The following DMRTA1 variants were observed in gnomAD, a reference collection of about 807,000 sequenced individuals.
The protein encoded by DMRTA1 is DMRT like family A1.
Under a neutral mutation model 35.2 loss-of-function variants are expected in DMRTA1, and 34 were observed. That is an observed-to-expected ratio of 0.97 (90% CI 0.74 to 1.29). The LOEUF is 1.29. DMRTA1 is among the 50% of genes most tolerant of loss of function. The pLI is 0.00. For missense variants in DMRTA1, 824 were observed against 644.6 expected (o/e 1.28, Z -3.01); for synonymous variants, 344 against 276.6 (o/e 1.24, Z -2.42).
Position 22,447,347 on chromosome 9 carries a change from G to A in DMRTA1, c.282G>A (p.Thr94=). The A allele has an allele frequency of 6.5e-7, 1 of 1,531,284 alleles. No individual in the cohort carries two copies. The allele number at this position is 1,531,284 out of a possible 1,614,324, so 94.9% of individuals were successfully genotyped here. ...VGAVGCGYPR[T]PKCARCRNHG... is the part of the protein sequence containing the mutation. ...CGGTGGGCTGCGGCTACCCGCGGACGCCCAAGTGCGCCCGCTGTCGTAACC... is the reference window on the plus strand; with the variant it reads ...CGGTGGGCTGCGGCTACCCGCGGACACCCAAGTGCGCCCGCTGTCGTAACC... The change falls in exon 1 of 2, where the codon ACG becomes ACA. Residue 94 remains threonine, a synonymous_variant. Transcript: ENST00000325870.
In DMRTA1 at chr9:22,447,346, C is replaced by T. The variant is rs763122411; in HGVS notation, c.281C>T (p.Thr94Met). 16 of 1,529,526 alleles carry T rather than the reference C, an allele frequency of 1.0e-5. No homozygotes were observed. The East Asian group carries it at 3.0e-4, about 28-fold the overall frequency. The allele number at this position is 1,529,526 out of a possible 1,614,324, so 94.7% of individuals were successfully genotyped here. The change falls in exon 1 of 2, where the codon ACG becomes ATG. Residue 94 changes from threonine to methionine, a missense_variant. Thr to Met is a moderately conservative substitution (Grantham distance 81). Coordinates refer to ENST00000325870, the MANE Select transcript of DMRTA1 (RefSeq NM_022160.3). ...GCGGTGGGCTGCGGCTACCCGCGGA[C>T]GCCCAAGTGCGCCCGCTGTCGTAAC... ...VGAVGCGYPRTPKCARCRNHG... is the reference protein window; with the variant it reads ...VGAVGCGYPRMPKCARCRNHG...
rs770682109 is a variant in DMRTA1, at chr9:22,451,120, A to C, written c.724A>C (p.Lys242Gln). 6.2e-7 allele frequency: 1 copy of C among 1,614,044 alleles called. No homozygotes were observed. ...CQNGQEELISKSHQLYLGSSS... is the reference protein window; with the variant it reads ...CQNGQEELISQSHQLYLGSSS... ...GAATGGACAAGAAGAACTGATCTCC[A>C]AATCCCATCAGCTTTACCTAGGATC... is the stretch of plus-strand genomic sequence containing the variant. The change falls in exon 2 of 2, where the codon AAA (lysine) becomes CAA (glutamine). Residue 242 changes from lysine (K) to glutamine (Q), a missense_variant. Coordinates refer to ENST00000325870, the MANE Select transcript of DMRTA1 (RefSeq NM_022160.3).
In DMRTA1 at chr9:22,451,483, G is replaced by T; in HGVS notation, c.1087G>T (p.Val363Phe). 1 of 1,614,152 alleles carries T rather than the reference G, an allele frequency of 6.2e-7. No homozygotes were observed. The highest frequency in any genetic ancestry group is 8.5e-7 in the Non-Finnish European group (1 of 1,179,998). ...KGDVVQAIEQ[V>F]LNGKEHKPDN... The stretch of plus-strand genomic sequence containing the variant: ...GGATGTGGTCCAAGCCATTGAACAG[G>T]TTTTAAATGGCAAAGAACACAAGCC... Residue 363 changes from valine (V) to phenylalanine (F), a missense_variant, in exon 2 of 2, where the codon GTT becomes TTT. Transcript: ENST00000325870.
chr9:22,447,290 G>T lies in DMRTA1; in HGVS notation c.225G>T (p.Pro75=). 1.3e-6 allele frequency: 2 copies of T among 1,505,248 alleles called. No individual in the cohort carries two copies. Among genetic ancestry groups the T allele is most frequent in the South Asian group, 1.3e-5 (1 of 78,920 alleles). The allele number at this position is 1,505,248 out of a possible 1,614,324, so 93.2% of individuals were successfully genotyped here. Residue 75 remains proline, a synonymous_variant, in exon 1 of 2, where the codon CCG becomes CCT. Coordinates refer to ENST00000325870, the MANE Select transcript of DMRTA1 (RefSeq NM_022160.3). The part of the protein sequence containing the change: ...AAATSGSGGC[P]PAPGLESGVG... ...CCACCTCGGGAAGCGGAGGCTGCCC[G>T]CCGGCTCCCGGGCTGGAGAGCGGGG...
Position 22,454,811 on chromosome 9 carries a change from A to G in DMRTA1, c.*2900A>G, listed in dbSNP as rs144030689. 1.3e-5 allele frequency: 2 copies of G among 152,316 alleles called. No individual in the cohort carries two copies. Among genetic ancestry groups the G allele is most frequent in the East Asian group, 3.9e-4 (2 of 5,188 alleles). The allele number at this position is 152,316 out of a possible 1,614,324, so 9.4% of individuals were successfully genotyped here. A position where few individuals can be genotyped will look rare whatever the true frequency, so the allele number is the denominator to read the frequency against. On this transcript the variant is annotated 3_prime_UTR_variant, in exon 2 of 2. Coordinates refer to ENST00000325870, the MANE Select transcript of DMRTA1 (RefSeq NM_022160.3). ...TTTTTTCACAGTTAACAGCTGTCCA[A>G]GAGTGTAGTGGCTGCCTCGTATGAT...
In DMRTA1 at chr9:22,452,044, T is replaced by A. The variant is rs1485060175; in HGVS notation, c.*133T>A. The A allele has an allele frequency of 1.4e-5, 3 of 209,728 alleles. No homozygotes were observed. The highest frequency in any genetic ancestry group is 2.1e-5 in the Non-Finnish European group (3 of 143,976). The allele number at this position is 209,728 out of a possible 1,614,324, so 13.0% of individuals were successfully genotyped here. On this transcript the variant is annotated 3_prime_UTR_variant, in exon 2 of 2. Transcript: ENST00000325870. The stretch of plus-strand genomic sequence containing the variant: ...ATTATGAGGTCTTAAAATGCTGGGT[T>A]TTTTTTTTTTCAAGCAATATAATAG...
In DMRTA1 at chr9:22,452,091, C is replaced by A; in HGVS notation, c.*180C>A. The A allele has an allele frequency of 1.7e-6, 1 of 584,112 alleles. No homozygotes were observed. The highest frequency in any genetic ancestry group is 2.7e-6 in the Non-Finnish European group (1 of 365,002). 36.2% of individuals were successfully genotyped at this position (584,112 alleles called of 1,614,324 possible). On this transcript the variant is annotated 3_prime_UTR_variant, in exon 2 of 2. Coordinates refer to ENST00000325870, the MANE Select transcript of DMRTA1 (RefSeq NM_022160.3). ...ATAGGTCTTAGATCTGAAAACTCTTCATTAGGATTTATCAAGTGAAAGAAG... is the reference window on the plus strand; with the variant it reads ...ATAGGTCTTAGATCTGAAAACTCTTAATTAGGATTTATCAAGTGAAAGAAG...
At position 22,451,799 on chromosome 9, in the gene DMRTA1, C is replaced by A. The variant is rs751700755; in HGVS notation, c.1403C>A (p.Pro468Gln). ...PGLVPTLPFR[P>Q]ALDYAFSGMI... Reference sequence around the variant, plus strand: ...TTAGTACCAACCTTACCTTTTCGGCCAGCTTTGGATTATGCCTTTTCAGGG... The same window carrying A: ...TTAGTACCAACCTTACCTTTTCGGCAAGCTTTGGATTATGCCTTTTCAGGG... Residue 468 changes from proline to glutamine, a missense_variant, in exon 2 of 2, where the codon CCA (proline) becomes CAA (glutamine). By Grantham distance (76) the Pro-to-Gln change is moderately conservative. Transcript: ENST00000325870. The A allele has an allele frequency of 2.7e-5, 44 of 1,613,946 alleles. 3 individuals carry two copies. The South Asian group carries it at 4.5e-4, about 17-fold the overall frequency.
intron 1 of DMRTA1, 102 bp downstream of exon 1, chr9:22,447,834 T>G (rs1359216944): frequency 2.9e-6 from 4 of 1,387,708 alleles, no homozygotes; most frequent in Non-Finnish European, 4.0e-6. Flanking sequence ...AATAGTTGTT[T>G]AAAAGAAACA....
rs1471929424 is a variant in DMRTA1, at chr9:22,451,398, T to C, written c.1002T>C (p.Thr334=). 3 of 1,614,114 alleles carry C rather than the reference T, an allele frequency of 1.9e-6. No individual in the cohort carries two copies. Among genetic ancestry groups the C allele is most frequent in the Non-Finnish European group, 2.5e-6 (3 of 1,179,982 alleles). Residue 334 remains threonine (T), a synonymous_variant, in exon 2 of 2, where the codon ACT becomes ACC. Transcript: ENST00000325870. The stretch of plus-strand genomic sequence containing the variant: ...CAAGAGATCCTCTTGATATCCTTAC[T>C]AAGATTTTCCCAAATTACAGGCGCA... ...SRPRDPLDIL[T]KIFPNYRRSR... is the part of the protein sequence containing the mutation.
rs926186689 is a variant in DMRTA1 at position 22,455,682 on chromosome 9, G to A, written c.*3771G>A. ...GCCACGTGTTTTGTAACATATTCTCGTATATGTTATTTGGATTATTTTCAG... is the reference window on the plus strand; with the variant it reads ...GCCACGTGTTTTGTAACATATTCTCATATATGTTATTTGGATTATTTTCAG... On this transcript the variant is annotated 3_prime_UTR_variant, in exon 2 of 2. Coordinates refer to ENST00000325870, the MANE Select transcript of DMRTA1 (RefSeq NM_022160.3). 1 of 152,070 alleles carries A rather than the reference G, an allele frequency of 6.6e-6. No homozygotes were observed. Among genetic ancestry groups the A allele is most frequent in the Admixed American group, 6.5e-5 (1 of 15,268 alleles). 9.4% of individuals were successfully genotyped at this position (152,070 alleles called of 1,614,324 possible). A position where few individuals can be genotyped will look rare whatever the true frequency, so the allele number is the denominator to read the frequency against.
rs1315995960 is a variant in DMRTA1, at chr9:22,447,313, G to C, written c.248G>C (p.Gly83Ala). 1.3e-6 allele frequency: 2 copies of C among 1,532,940 alleles called. No homozygotes were observed. Among genetic ancestry groups the C allele is most frequent in the Non-Finnish European group, 1.7e-6 (2 of 1,143,748 alleles). The allele number at this position is 1,532,940 out of a possible 1,614,324, so 95.0% of individuals were successfully genotyped here. The change falls in exon 1 of 2, where the codon GGG becomes GCG. Residue 83 changes from glycine (G) to alanine (A), a missense_variant. Physicochemically the swap from Gly to Ala is moderately conservative, Grantham distance 60. Coordinates refer to ENST00000325870, the MANE Select transcript of DMRTA1 (RefSeq NM_022160.3). ...CCGCCGGCTCCCGGGCTGGAGAGCG[G>C]GGTAGGCGCGGTGGGCTGCGGCTAC... ...GCPPAPGLES[G>A]VGAVGCGYPR... is the part of the protein sequence containing the mutation.
chr9:22,449,615 G>A (rs909016898), intron 1 of DMRTA1, among the ~76,000 whole-genome samples: 1 of 152,098 alleles, frequency 6.6e-6, no homozygotes, highest in African/African-American at 2.4e-5. Flanking sequence ...AAGTGGAATG[G>A]AGGACTAATG....
At position 22,454,795 on chromosome 9, in the gene DMRTA1, A is replaced by C. The variant is rs1229412867; in HGVS notation, c.*2884A>C. 1 of 152,164 alleles carries C rather than the reference A, an allele frequency of 6.6e-6. No homozygotes were observed. Among genetic ancestry groups the C allele is most frequent in the African/African-American group, 2.4e-5 (1 of 41,438 alleles). 9.4% of individuals were successfully genotyped at this position (152,164 alleles called of 1,614,324 possible). ...GAACATAAGGAATGACTTTTTTCACAGTTAACAGCTGTCCAAGAGTGTAGT... is the reference window on the plus strand; with the variant it reads ...GAACATAAGGAATGACTTTTTTCACCGTTAACAGCTGTCCAAGAGTGTAGT... On this transcript the variant is annotated 3_prime_UTR_variant, in exon 2 of 2. Coordinates refer to ENST00000325870, the MANE Select transcript of DMRTA1 (RefSeq NM_022160.3).
At chr9:22,448,855 C>T (rs914308795) in intron 1 of DMRTA1, among the ~76,000 whole-genome samples, 1 of 152,038 alleles carries the variant, frequency 6.6e-6, no homozygotes, top group Non-Finnish European at 1.5e-5. Context: ...AACTTTTGCA[C>T]ATATTCTAAT....
Position 22,452,201 on chromosome 9 carries a change from C to A in DMRTA1, c.*290C>A. The A allele has an allele frequency of 1.3e-5, 3 of 227,966 alleles. No individual in the cohort carries two copies. Among genetic ancestry groups the A allele is most frequent in the Non-Finnish European group, 2.6e-5 (3 of 116,398 alleles). 14.1% of individuals were successfully genotyped at this position (227,966 alleles called of 1,614,324 possible). A position where few individuals can be genotyped will look rare whatever the true frequency, so the allele number is the denominator to read the frequency against. On this transcript the variant is annotated 3_prime_UTR_variant, in exon 2 of 2. Coordinates refer to ENST00000325870, the MANE Select transcript of DMRTA1 (RefSeq NM_022160.3). ...TTCTCCCTAAATTATCATTTGTAAA[C>A]ATTTTTATTTTAAAACTAGTTTTTA...
In DMRTA1 at chr9:22,455,250, A is replaced by G. The variant is rs1818987738; in HGVS notation, c.*3339A>G. 1 of 152,192 alleles carries G rather than the reference A, an allele frequency of 6.6e-6. No homozygotes were observed. The highest frequency in any genetic ancestry group is 2.4e-5 in the African/African-American group (1 of 41,442). The allele number at this position is 152,192 out of a possible 1,614,324, so 9.4% of individuals were successfully genotyped here. A position where few individuals can be genotyped will look rare whatever the true frequency, so the allele number is the denominator to read the frequency against. ...ATATTAGTACAATTCCTATAAGGTAAATACCAATATGTCTTTCTAGAAGAA... is the reference window on the plus strand; with the variant it reads ...ATATTAGTACAATTCCTATAAGGTAGATACCAATATGTCTTTCTAGAAGAA... On this transcript the variant is annotated 3_prime_UTR_variant, in exon 2 of 2. Transcript: ENST00000325870.
Position 22,451,653 on chromosome 9 carries a change from T to A in DMRTA1, c.1257T>A (p.Tyr419Ter). The change falls in exon 2 of 2, where the codon TAT (tyrosine) becomes TAA (stop). Residue 419 changes from tyrosine (Y) to a stop codon, truncating the protein, a stop_gained. Transcript: ENST00000325870. LOFTEE classifies it high-confidence loss of function. ...FSPLQTTSAS[Y>*]GGDSSLYGVN... is the part of the protein sequence containing the mutation. ...CTCTTCAAACTACTTCTGCTTCTTA[T>A]GGAGGTGATTCAAGTCTCTACGGCG... The A allele has an allele frequency of 6.2e-7, 1 of 1,614,134 alleles. No homozygotes were observed. The highest frequency in any genetic ancestry group is 1.3e-5 in the African/African-American group (1 of 75,056).
In DMRTA1 at chr9:22,447,375, G is replaced by T; in HGVS notation, c.310G>T (p.Gly104Cys). The T allele has an allele frequency of 6.4e-7, 1 of 1,550,754 alleles. No individual in the cohort carries two copies. Among genetic ancestry groups the T allele is most frequent in the Non-Finnish European group, 8.7e-7 (1 of 1,151,290 alleles). The part of the protein sequence containing the change: ...TPKCARCRNH[G>C]VVSALKGHKR... ...CAAGTGCGCCCGCTGTCGTAACCAT[G>T]GTGTGGTGTCAGCGCTCAAGGGCCA... Residue 104 changes from glycine (G) to cysteine (C), a missense_variant, in exon 1 of 2, where the codon GGT becomes TGT. Physicochemically the swap from Gly to Cys is radical, Grantham distance 159. Transcript: ENST00000325870.
Sources: gnomAD v4.1 joint callset for allele counts (sites outside exome capture counted in the v4.1 genomes callset) on GRCh38, gnomAD v4.1.1 for gene constraint, MANE v1.5 for transcripts, NCBI Gene and HGNC (gene_info 2026-07-23, HGNC 2026-07-21) for gene names.